The following PLAC9 variants were observed in gnomAD, a reference collection of about 807,000 sequenced individuals.
PLAC9 encodes the protein placenta associated 9.
In PLAC9, 12 loss-of-function variants were observed where a neutral mutation model predicts 11.5. The observed-to-expected ratio is 1.05, with a 90% CI of 0.67 to 1.69. PLAC9 has a LOEUF of 1.69. Among genes scored for constraint, PLAC9 ranks in the 40% most tolerant of loss-of-function variants. The probability of loss-of-function intolerance (pLI) is 0.00; values close to 1 mark genes in which losing one functional copy is unlikely to be tolerated. For synonymous variants in PLAC9, 62 were observed against 58.1 expected, an observed-to-expected ratio of 1.07 and a Z score of -0.31; for missense variants, 132 against 130.5, an observed-to-expected ratio of 1.01 and a Z score of -0.06.
At chr10:80,138,991 A>G (rs1462543223) in intron 1 of PLAC9, among the ~76,000 whole-genome samples, 4 of 135,198 alleles carry the variant, frequency 3.0e-5, no homozygotes, top group Non-Finnish European at 6.1e-5. Flanking sequence ...TAGCTCTGTC[A>G]CCCAGGCTGG....
At chr10:80,143,740 T>C (rs988823270) in intron 2 of PLAC9, among the ~76,000 whole-genome samples, 4 of 152,154 alleles carry the variant, frequency 2.6e-5, no homozygotes, top group Non-Finnish European at 4.4e-5. Context: ...CCCTTAGTAA[T>C]TCTATATGTT....
rs747004796 is a variant in PLAC9, at chr10:80,144,979, G to A, written c.*69G>A. 26 of 1,539,642 alleles carry A rather than the reference G, an allele frequency of 1.7e-5. No individual in the cohort carries two copies. The highest frequency in any genetic ancestry group is 2.0e-5 in the Non-Finnish European group (23 of 1,134,450). On this transcript the variant is annotated 3_prime_UTR_variant, in exon 4 of 4. Coordinates refer to ENST00000372263, the MANE Select transcript of PLAC9 (RefSeq NM_001012973.3). Reference sequence around the variant, plus strand: ...AGGCAGCGCCCACAGAACCAGCCCTGTCCTCTCGACTTCCTTCCTTAGCTT... The same window carrying A: ...AGGCAGCGCCCACAGAACCAGCCCTATCCTCTCGACTTCCTTCCTTAGCTT...
chr10:80,134,061 CTT>C (rs1189064780), intron 1 of PLAC9, among the ~76,000 whole-genome samples: 2 of 151,414 alleles, frequency 1.3e-5, no homozygotes, highest in Non-Finnish European at 1.5e-5. Flanking sequence ...TATATCTTAA[CTT>C]TTGATTATGA....
chr10:80,133,943 CAAA>C (rs61127711), intron 1 of PLAC9, among the ~76,000 whole-genome samples: 12 of 107,750 alleles, frequency 1.1e-4, no homozygotes, highest in Non-Finnish European at 2.1e-4. Context: ...GACTCAGTTT[CAAA>C]AAAAAAAAAA....
intron 1 of PLAC9, among the ~76,000 whole-genome samples, chr10:80,134,197 C>G (rs1173475972): frequency 6.6e-6 from 1 of 151,714 alleles, no homozygotes; most frequent in Non-Finnish European, 1.5e-5. Context: ...AGCCTCCACC[C>G]TCTCTCCCCT....
intron 1 of PLAC9, among the ~76,000 whole-genome samples, chr10:80,135,148 C>T (rs952392005): frequency 1.1e-4 from 17 of 150,680 alleles, no homozygotes; most frequent in Admixed American, 4.0e-4. Context: ...GCCTCCCAAG[C>T]AGCTGGGACT....
intron 2 of PLAC9, among the ~76,000 whole-genome samples, chr10:80,142,975 G>A (rs866032731): frequency 6.6e-6 from 1 of 152,170 alleles, no homozygotes; most frequent in Non-Finnish European, 1.5e-5. Context: ...TGCCCACCTC[G>A]GCCTCCCAAG....
At chr10:80,135,221 A>T (rs1209885426) in intron 1 of PLAC9, among the ~76,000 whole-genome samples, 1 of 150,346 alleles carries the variant, frequency 6.7e-6, no homozygotes, top group Non-Finnish European at 1.5e-5. Context: ...ATGAGGTTTC[A>T]CTGTGTTAGC....
chr10:80,139,537 G>T (rs372601292), intron 1 of PLAC9, among the ~76,000 whole-genome samples: 1 of 152,162 alleles, frequency 6.6e-6, no homozygotes, highest in African/African-American at 2.4e-5. Flanking sequence ...GGGAGGACTC[G>T]TGCTTCCAGG....
At chr10:80,132,310 G>A (rs2819884), upstream of PLAC9, among the ~76,000 whole-genome samples, 105,680 of 152,042 alleles carry the variant, frequency 0.7, 37,099 homozygotes, top group East Asian at 0.95. Flanking sequence ...CAAACTCCCA[G>A]GAGACAGGGG....
At chr10:80,137,456 A>G (rs1844991842) in intron 1 of PLAC9, among the ~76,000 whole-genome samples, 1 of 152,214 alleles carries the variant, frequency 6.6e-6, no homozygotes, top group Admixed American at 6.5e-5. Context: ...AGGCTTGGCC[A>G]AAGGCCTCTG....
At chr10:80,136,415 C>T (rs1225723933) in intron 1 of PLAC9, among the ~76,000 whole-genome samples, 1 of 152,152 alleles carries the variant, frequency 6.6e-6, no homozygotes, top group Non-Finnish European at 1.5e-5. Flanking sequence ...TTCCACTCCC[C>T]TTGTCTGAGC....
Position 80,132,768 on chromosome 10 carries a change from GC to G in PLAC9, c.10del (p.Leu4CysfsTer5). MR[P>X]LLCALTGLAL... ...CGCTCGGCCAGGCCGGCACCATGCGGCCCCTGCTCTGCGCGCTGACCGGACT... is the reference window on the plus strand; with the variant it reads ...CGCTCGGCCAGGCCGGCACCATGCGGCCCTGCTCTGCGCGCTGACCGGACT... On this transcript the variant is annotated frameshift_variant, in exon 1 of 4. Coordinates refer to ENST00000372263, the MANE Select transcript of PLAC9 (RefSeq NM_001012973.3). LOFTEE classifies it high-confidence loss of function. The G allele has an allele frequency of 1.3e-6, 2 of 1,486,476 alleles. No homozygotes were observed. The highest frequency in any genetic ancestry group is 1.5e-5 in the African/African-American group (1 of 68,652). 92.1% of individuals were successfully genotyped at this position (1,486,476 alleles called of 1,614,324 possible). A position where few individuals can be genotyped will look rare whatever the true frequency, so the allele number is the denominator to read the frequency against.
rs1374190731 is a variant in PLAC9, at chr10:80,132,864, C to T, written c.64+38C>T. The T allele has an allele frequency of 2.1e-6, 3 of 1,447,356 alleles. No homozygotes were observed. The South Asian group carries it at 4.1e-5, about 20-fold the overall frequency. The allele number at this position is 1,447,356 out of a possible 1,614,324, so 89.7% of individuals were successfully genotyped here. On this transcript the variant is annotated intron_variant, in intron 1 of 3. Transcript: ENST00000372263. ...CAGGGCGCGGCAGGGGACCTGGAGC[C>T]GGGGAGACCCGCAGATGGCGAGGAA... is the stretch of plus-strand genomic sequence containing the variant.
intron 1 of PLAC9, among the ~76,000 whole-genome samples, chr10:80,134,515 T>C (rs1275594309): frequency 6.6e-6 from 1 of 152,050 alleles, no homozygotes; most frequent in Non-Finnish European, 1.5e-5. Flanking sequence ...CCACCTGCCT[T>C]GGCCTCCCAA....
At chr10:80,142,233 T>C (rs1845049398) in intron 2 of PLAC9, 54 bp downstream of exon 2, 6 of 1,432,778 alleles carry the variant, frequency 4.2e-6, no homozygotes, top group Non-Finnish European at 5.8e-6. Context: ...TCTAGGATGG[T>C]GTTTTTATGG....
chr10:80,136,152 G>A (rs7076962), intron 1 of PLAC9, among the ~76,000 whole-genome samples: 3,715 of 152,218 alleles, frequency 0.024, 89 homozygotes, highest in African/African-American at 0.067. Flanking sequence ...CAGCCCAGCC[G>A]AGCCCTCCTC....
intron 1 of PLAC9, among the ~76,000 whole-genome samples, chr10:80,137,484 G>A (rs1389793670): frequency 2.0e-5 from 3 of 152,168 alleles, no homozygotes; most frequent in Non-Finnish European, 4.4e-5. Flanking sequence ...CCAGCAGGGG[G>A]GTATGTGTAT....
At chr10:80,133,802 G>A (rs1844940527) in intron 1 of PLAC9, among the ~76,000 whole-genome samples, 1 of 152,002 alleles carries the variant, frequency 6.6e-6, no homozygotes, top group Admixed American at 6.6e-5. Context: ...AAATTAATCG[G>A]GCGTGGTGGC....
Sources: gnomAD v4.1 joint callset for allele counts (sites outside exome capture counted in the v4.1 genomes callset) on GRCh38, gnomAD v4.1.1 for gene constraint, MANE v1.5 for transcripts, NCBI Gene and HGNC (gene_info 2026-07-23, HGNC 2026-07-21) for gene names.